Variants in CLCN7 observed in about 807,000 individuals in gnomAD.
CLCN7 encodes the protein Cl-/H+ antiporter 7.
CLCN7 carries 60 observed loss-of-function variants against 102.1 expected under a neutral mutation model. The ratio of observed to expected loss-of-function variants is 0.59; its 90% confidence interval spans 0.48 to 0.73. The LOEUF (loss-of-function observed/expected upper bound fraction) is 0.73, where lower values mean the gene tolerates loss of function less well. CLCN7 is among the 30% of genes least tolerant of loss of function. The pLI is 0.00. For missense variants in CLCN7, 962 were observed against 1,125.7 expected, an observed-to-expected ratio of 0.85 and a Z score of 2.08; for synonymous variants, 560 against 490.5, an observed-to-expected ratio of 1.14 and a Z score of -1.87.
rs2038978910 is a variant in CLCN7 at position 1,464,546 on chromosome 16, C to T, written c.213+721G>A. Among the ~76,000 whole-genome samples the T allele has an allele frequency of 3.3e-5, 5 of 152,384 alleles. No homozygotes were observed. The South Asian group carries it at 8.3e-4, about 25-fold the overall frequency. ...GACGGCATCTGAGCACGGCGCCGGC[C>T]TCGGGAGCGACTGCGGCAGAGCTCA... On this transcript the variant is annotated intron_variant, in intron 2 of 24. Coordinates refer to ENST00000382745, the MANE Select transcript of CLCN7 (RefSeq NM_001287.6).
At chr16:1,453,549 G>A (rs982298670) in intron 14 of CLCN7, among the ~76,000 whole-genome samples, 2 of 152,206 alleles carry the variant, frequency 1.3e-5, no homozygotes, top group Non-Finnish European at 2.9e-5. Context: ...TGAAGGTTGG[G>A]CATGCCTCGC....
Position 1,447,866 on chromosome 16 carries a change from G to A in CLCN7, c.2014-152C>T, listed in dbSNP as rs531167470. On this transcript the variant is annotated intron_variant, in intron 21 of 24. Transcript: ENST00000382745. ...GTGGCTACCTGCTCACACCAGCCTCGCCATGGCATCCCACACGCACAATGC... is the reference window on the plus strand; with the variant it reads ...GTGGCTACCTGCTCACACCAGCCTCACCATGGCATCCCACACGCACAATGC... 3.3e-5 allele frequency: 28 copies of A among 843,590 alleles called. No homozygotes were observed. In the African/African-American group the frequency reaches 3.9e-4, roughly 12 times the overall value. The allele number at this position is 843,590 out of a possible 1,614,324, so 52.3% of individuals were successfully genotyped here.
chr16:1,456,979 C>T (rs1019665161), intron 9 of CLCN7, among the ~76,000 whole-genome samples: 8 of 152,160 alleles, frequency 5.3e-5, no homozygotes, highest in African/African-American at 1.7e-4. Flanking sequence ...TCAGGTTCTG[C>T]ACTCCTCTGA....
chr16:1,452,508 C>T lies in CLCN7; in HGVS notation c.1353+247G>A, dbSNP rs1407214311. On this transcript the variant is annotated intron_variant, in intron 15 of 24. Transcript: ENST00000382745. ...AGGCTCGCCCCGTCAGGCTGCCATT[C>T]TGGGAAGAGGACTGGGGGGAGCCTC... 1.6e-5 allele frequency: 9 copies of T among 552,418 alleles called. No individual in the cohort carries two copies. In the Admixed American group the frequency reaches 1.9e-4, roughly 12 times the overall value. The allele number at this position is 552,418 out of a possible 1,614,324, so 34.2% of individuals were successfully genotyped here.
chr16:1,448,175 C>A (rs556747957), intron 21 of CLCN7, 180 bp downstream of exon 21: 15 of 866,474 alleles, frequency 1.7e-5, no homozygotes, highest in South Asian at 4.9e-5. Context: ...CAGCCCCCCC[C>A]ACCAGCCTCA....
intron 2 of CLCN7, among the ~76,000 whole-genome samples, 177 bp from the exon 3 acceptor site, chr16:1,461,851 G>A (rs2038943158): frequency 6.6e-6 from 1 of 152,098 alleles, no homozygotes. Flanking sequence ...TTGGGAGGCC[G>A]AGGCAAGTGG....
chr16:1,455,203 G>C lies in CLCN7; in HGVS notation c.1029C>G (p.Ser343Arg), dbSNP rs2038815769. The change falls in exon 12 of 25, where the codon AGC becomes AGG. Residue 343 changes from serine (S) to arginine (R), a missense_variant. Around this residue, in one of 2 missense-constraint regions of CLCN7, gnomAD observed 799 missense variants for 988.0 expected, o/e 0.81. Coordinates refer to ENST00000382745, the MANE Select transcript of CLCN7 (RefSeq NM_001287.6). ...GGTCCCACATGTTCCCGTGGTAAAT[G>C]CTCAGAACAAAATTCAGGGTGAACG... The part of the protein sequence containing the change: ...ISTFTLNFVL[S>R]IYHGNMWDLS... The C allele has an allele frequency of 3.7e-6, 6 of 1,613,856 alleles. No homozygotes were observed. Among genetic ancestry groups the C allele is most frequent in the Non-Finnish European group, 5.1e-6 (6 of 1,179,842 alleles).
chr16:1,461,235 C>T (rs750278958), intron 4 of CLCN7, among the ~76,000 whole-genome samples, 170 bp downstream of exon 4: 7 of 152,228 alleles, frequency 4.6e-5, no homozygotes, highest in Admixed American at 2.6e-4. Flanking sequence ...TTACGGTGAC[C>T]GTGACCCTCC....
chr16:1,460,420 C>G lies in CLCN7; in HGVS notation c.592G>C (p.Glu198Gln), dbSNP rs374764558. ...LVGSVIVAFI[E>Q]PVAAGSGIPQ... ...AGCTGCGGCATCCTGCCACCCACCT[C>G]TATGAAAGCCACAATCACAGAGCCC... is the stretch of plus-strand genomic sequence containing the variant. Residue 198 changes from glutamate to glutamine, a missense_variant and splice_region_variant, in exon 6 of 25, where the codon GAG becomes CAG. Around this residue, in one of 2 missense-constraint regions of CLCN7, gnomAD observed 799 missense variants for 988.0 expected, o/e 0.81. Transcript: ENST00000382745. 1 of 1,612,178 alleles carries G rather than the reference C, an allele frequency of 6.2e-7. No homozygotes were observed. The highest frequency in any genetic ancestry group is 8.5e-7 in the Non-Finnish European group (1 of 1,178,640).
intron 12 of CLCN7, among the ~76,000 whole-genome samples, chr16:1,454,897 C>T (rs1181462960): frequency 6.6e-6 from 1 of 152,230 alleles, no homozygotes; most frequent in Non-Finnish European, 1.5e-5. Flanking sequence ...GCCCCATGCA[C>T]GCAGCAACTG....
intron 2 of CLCN7, among the ~76,000 whole-genome samples, chr16:1,463,138 G>C (rs1468366361): frequency 6.6e-6 from 1 of 152,118 alleles, no homozygotes; most frequent in Non-Finnish European, 1.5e-5. Context: ...CAAAAAAAGA[G>C]AGAGAGAGAG....
chr16:1,467,050 T>C (rs1023891274), intron 1 of CLCN7, among the ~76,000 whole-genome samples: 3 of 151,938 alleles, frequency 2.0e-5, no homozygotes, highest in Non-Finnish European at 4.4e-5. Flanking sequence ...ACCCCCCGTG[T>C]TGATGACCCG....
At chr16:1,449,413 G>T (rs968011005) in intron 17 of CLCN7, 86 bp from the exon 18 acceptor site, 211 of 1,293,978 alleles carry the variant, frequency 1.6e-4, no homozygotes, top group Non-Finnish European at 1.5e-4. Context: ...CCCTGCCCAG[G>T]CCCAGCAGCC....
At position 1,459,198 on chromosome 16, in the gene CLCN7, G is replaced by T; in HGVS notation, c.595-11C>A. On this transcript the variant is annotated splice_polypyrimidine_tract_variant and intron_variant, in intron 6 of 24. Transcript: ENST00000382745. ...GCCAGCAGCCACCGGCTGAAAGAGG[G>T]GAAGCACGGCTGAGTGGGTCACGGC... 6.2e-7 allele frequency: 1 copy of T among 1,612,400 alleles called. No individual in the cohort carries two copies. Among genetic ancestry groups the T allele is most frequent in the Admixed American group, 1.7e-5 (1 of 59,944 alleles).
chr16:1,453,768 G>C, intron 14 of CLCN7, 66 bp downstream of exon 14: 1 of 1,452,054 alleles, frequency 6.9e-7, no homozygotes, highest in Non-Finnish European at 9.7e-7. Context: ...ATTCCACCAC[G>C]TCCGCTTTCA....
Position 1,454,404 on chromosome 16 carries a change from C to T in CLCN7, c.1153+7G>A. 1 of 1,613,236 alleles carries T rather than the reference C, an allele frequency of 6.2e-7. No individual in the cohort carries two copies. The highest frequency in any genetic ancestry group is 8.5e-7 in the Non-Finnish European group (1 of 1,179,788). On this transcript the variant is annotated splice_region_variant and intron_variant, in intron 13 of 24. Coordinates refer to ENST00000382745, the MANE Select transcript of CLCN7 (RefSeq NM_001287.6). The stretch of plus-strand genomic sequence containing the variant: ...GCCGTCCCTGCGGTGCTGGGAGAAG[C>T]CCTTACCCACCACGCCCATGGCGAT...
In CLCN7 at chr16:1,447,526, G is replaced by A; in HGVS notation, c.2116C>T (p.Leu706=). The A allele has an allele frequency of 6.4e-7, 1 of 1,555,666 alleles. No homozygotes were observed. Among genetic ancestry groups the A allele is most frequent in the Non-Finnish European group, 8.7e-7 (1 of 1,150,000 alleles). ...GCGTCTCGGAAGTCCTTCAGCCTCAGGCGCCGCTGTACCAGGCCCAGGTTG... is the reference window on the plus strand; with the variant it reads ...GCGTCTCGGAAGTCCTTCAGCCTCAAGCGCCGCTGTACCAGGCCCAGGTTG... ...RSNLGLVQRR[L]RLKDFRDAYP... Residue 706 remains leucine (L), a synonymous_variant, in exon 23 of 25, where the codon CTG becomes TTG. Coordinates refer to ENST00000382745, the MANE Select transcript of CLCN7 (RefSeq NM_001287.6).
Position 1,460,546 on chromosome 16 carries a change from G to A in CLCN7, c.485-19C>T. 1.3e-6 allele frequency: 2 copies of A among 1,588,628 alleles called. No individual in the cohort carries two copies. Among genetic ancestry groups the A allele is most frequent in the Non-Finnish European group, 1.7e-6 (2 of 1,158,084 alleles). On this transcript the variant is annotated intron_variant, in intron 5 of 24. Coordinates refer to ENST00000382745, the MANE Select transcript of CLCN7 (RefSeq NM_001287.6). ...TCGATATCTGGGGCTCATCAAGGAG[G>A]GCTGGCTGCTTCCCCGTCATGACCA... is the stretch of plus-strand genomic sequence containing the variant.
rs1810896196 is a variant in CLCN7, at chr16:1,446,548, G to A, written c.*83C>T. ...TGCCACTGCTGGGGAGCATGGTTTG[G>A]GCCGAGAAACCAGTGACTCCGGGAG... On this transcript the variant is annotated 3_prime_UTR_variant, in exon 25 of 25. Coordinates refer to ENST00000382745, the MANE Select transcript of CLCN7 (RefSeq NM_001287.6). 1.6e-6 allele frequency: 2 copies of A among 1,285,218 alleles called. No individual in the cohort carries two copies. Among genetic ancestry groups the A allele is most frequent in the Non-Finnish European group, 2.2e-6 (2 of 907,286 alleles). 79.6% of individuals were successfully genotyped at this position (1,285,218 alleles called of 1,614,324 possible). A position where few individuals can be genotyped will look rare whatever the true frequency, so the allele number is the denominator to read the frequency against.
Sources: allele counts gnomAD v4.1 joint callset (sites outside exome capture counted in the v4.1 genomes callset), GRCh38; gene constraint gnomAD v4.1.1; regional missense constraint gnomAD v4.1.1; transcripts MANE v1.5; gene names NCBI Gene and HGNC (gene_info 2026-07-23, HGNC 2026-07-21).